Variants in SETD7 observed in about 807,000 individuals in gnomAD.
The protein encoded by SETD7 is histone-lysine N-methyltransferase SETD7.
Under a neutral mutation model 41.8 loss-of-function variants are expected in SETD7, and 16 were observed. The ratio of observed to expected loss-of-function variants is 0.38; its 90% CI spans 0.26 to 0.58. The LOEUF (loss-of-function observed/expected upper bound fraction) is 0.58. SETD7 is among the 20% of genes least tolerant of loss of function. SETD7 has a pLI of 0.64. For missense variants in SETD7, 346 were observed against 459.7 expected, an observed-to-expected ratio of 0.75 and a Z score of 2.26; for synonymous variants, 163 against 169.7, an observed-to-expected ratio of 0.96 and a Z score of 0.31.
intron 4 of SETD7, among the ~76,000 whole-genome samples, chr4:139,525,005 TG>T (rs1727285714): frequency 6.6e-6 from 1 of 152,146 alleles, no homozygotes; most frequent in Non-Finnish European, 1.5e-5. Flanking sequence ...TCAGTAGAGA[TG>T]GGGTTTCGCC....
downstream of SETD7, among the ~76,000 whole-genome samples, chr4:139,501,350 T>G (rs766591259): frequency 6.6e-6 from 1 of 151,294 alleles, no homozygotes; most frequent in Non-Finnish European, 1.5e-5. Context: ...CAAAACCCGT[T>G]ATGTTTTCAC....
At chr4:139,501,235 G>T (rs1726570300), downstream of SETD7, among the ~76,000 whole-genome samples, 2 of 152,134 alleles carry the variant, frequency 1.3e-5, no homozygotes, top group Non-Finnish European at 2.9e-5. Flanking sequence ...TTTGCTAATG[G>T]CCCAGAAGAG....
intron 2 of SETD7, among the ~76,000 whole-genome samples, chr4:139,539,898 G>A (rs1727736973): frequency 6.6e-6 from 1 of 152,130 alleles, no homozygotes; most frequent in Non-Finnish European, 1.5e-5. Context: ...CCAGGAAGTG[G>A]GCCCTCGACA....
Position 139,511,270 on chromosome 4 carries a change from A to G in SETD7, c.*393T>C. 4.1e-6 allele frequency: 1 copy of G among 244,928 alleles called. No homozygotes were observed. The highest frequency in any genetic ancestry group is 7.9e-6 in the Non-Finnish European group (1 of 126,598). The allele number at this position is 244,928 out of a possible 1,614,324, so 15.2% of individuals were successfully genotyped here. On this transcript the variant is annotated 3_prime_UTR_variant, in exon 8 of 8. Transcript: ENST00000274031. ...ACGGCACATATGCAAGTGTGCTAAC[A>G]CAATTTGCACTGGCCATAGGAAAAA...
chr4:139,553,657 C>T (rs1728174772), intron 1 of SETD7, among the ~76,000 whole-genome samples: 1 of 152,118 alleles, frequency 6.6e-6, no homozygotes, highest in Non-Finnish European at 1.5e-5. Flanking sequence ...CCTCATAAGA[C>T]TGAATAAGAC....
intron 7 of SETD7, among the ~76,000 whole-genome samples, chr4:139,499,264 C>G (rs1579193991): frequency 6.6e-6 from 1 of 152,188 alleles, no homozygotes; most frequent in African/African-American, 2.4e-5. Context: ...TGGTCCCTTC[C>G]TTGTTCAAAA....
At chr4:139,549,109 C>T (rs1728041240) in intron 1 of SETD7, among the ~76,000 whole-genome samples, 1 of 151,908 alleles carries the variant, frequency 6.6e-6, no homozygotes, top group African/African-American at 2.4e-5. Context: ...CATATAAATT[C>T]AGTGTCCTAC....
chr4:139,525,104 G>T (rs1197222629), intron 4 of SETD7, among the ~76,000 whole-genome samples: 1 of 152,138 alleles, frequency 6.6e-6, no homozygotes, highest in Non-Finnish European at 1.5e-5. Flanking sequence ...GGCGTGAGCT[G>T]CTGTGCCCAG....
chr4:139,522,741 CTTTTTTTTTTT>C (rs11357611), intron 5 of SETD7, among the ~76,000 whole-genome samples: 3 of 93,432 alleles, frequency 3.2e-5, no homozygotes, highest in African/African-American at 1.3e-4. Flanking sequence ...CCCAGCTGCT[CTTTTTTTTTTT>C]TTTTTTTTTT....
At chr4:139,521,242 A>C (rs1727173970) in intron 5 of SETD7, among the ~76,000 whole-genome samples, 1 of 152,096 alleles carries the variant, frequency 6.6e-6, no homozygotes, top group East Asian at 1.9e-4. Context: ...CCTGGCCAAC[A>C]TGGTGAAACC....
At chr4:139,505,758 C>T (rs1274036798), downstream of SETD7, among the ~76,000 whole-genome samples, 1 of 152,122 alleles carries the variant, frequency 6.6e-6, no homozygotes, top group Non-Finnish European at 1.5e-5. Context: ...GCTATTTGCC[C>T]TGATCATCTC....
chr4:139,514,652 G>A (rs1027951246), intron 7 of SETD7, among the ~76,000 whole-genome samples: 1 of 152,220 alleles, frequency 6.6e-6, no homozygotes, highest in East Asian at 1.9e-4. Context: ...GACTGAATGA[G>A]ACAATGCATG....
At chr4:139,517,809 A>G (rs1727068759) in intron 7 of SETD7, 76 bp downstream of exon 7, 7 of 1,463,702 alleles carry the variant, frequency 4.8e-6, no homozygotes, top group Non-Finnish European at 5.5e-6. Context: ...GAGGCAGAAT[A>G]ACACTTTTTA....
downstream of SETD7, among the ~76,000 whole-genome samples, chr4:139,505,662 A>T (rs1235196764): frequency 6.6e-6 from 1 of 152,098 alleles, no homozygotes; most frequent in Non-Finnish European, 1.5e-5. Flanking sequence ...CTCAGCTCAG[A>T]CTCATCCTCA....
chr4:139,551,508 C>A (rs984763911), intron 1 of SETD7, among the ~76,000 whole-genome samples: 2 of 152,026 alleles, frequency 1.3e-5, no homozygotes, highest in African/African-American at 2.4e-5. Context: ...TCTGAGGGAG[C>A]TTCTTCCTGA....
In SETD7 at chr4:139,510,437, T is replaced by C. The variant is rs1726838062; in HGVS notation, c.*1226A>G. 1 of 152,266 alleles carries C rather than the reference T, an allele frequency of 6.6e-6. No homozygotes were observed. Among genetic ancestry groups the C allele is most frequent in the Admixed American group, 6.5e-5 (1 of 15,286 alleles). The allele number at this position is 152,266 out of a possible 1,614,324, so 9.4% of individuals were successfully genotyped here. A position where few individuals can be genotyped will look rare whatever the true frequency, so the allele number is the denominator to read the frequency against. Reference sequence around the variant, plus strand: ...GGTTTTCTCCTTATTTCTGCAGTTGTGATTACACATGGCTGGCAAAATGGC... The same window carrying C: ...GGTTTTCTCCTTATTTCTGCAGTTGCGATTACACATGGCTGGCAAAATGGC... On this transcript the variant is annotated 3_prime_UTR_variant, in exon 8 of 8. Transcript: ENST00000274031.
At position 139,551,346 on chromosome 4, in the gene SETD7, G is replaced by A. The variant is rs144139574; in HGVS notation, c.41-4297C>T. ...TGTTTTTAAGGTTGCCGGAGCTAATGTTCTGTGTATCTGTCTGTAGCATGA... is the reference window on the plus strand; with the variant it reads ...TGTTTTTAAGGTTGCCGGAGCTAATATTCTGTGTATCTGTCTGTAGCATGA... On this transcript the variant is annotated intron_variant, in intron 1 of 7. Transcript: ENST00000274031. Among the ~76,000 whole-genome samples, 341 of 152,332 alleles carry A rather than the reference G, an allele frequency of 2.2e-3. 2 individuals are homozygous for A. Among genetic ancestry groups the A allele is most frequent in the African/African-American group, 8.1e-3 (335 of 41,566 alleles).
In SETD7 at chr4:139,510,661, A is replaced by C. The variant is rs1726845071; in HGVS notation, c.*1002T>G. 1 of 152,188 alleles carries C rather than the reference A, an allele frequency of 6.6e-6. No individual in the cohort carries two copies. The highest frequency in any genetic ancestry group is 1.5e-5 in the Non-Finnish European group (1 of 68,026). The allele number at this position is 152,188 out of a possible 1,614,324, so 9.4% of individuals were successfully genotyped here. ...TTTTTTTTGAATTCTGTTAGAATTC[A>C]AATTTGCTGTTTGACTTTTGAATTC... On this transcript the variant is annotated 3_prime_UTR_variant, in exon 8 of 8. Transcript: ENST00000274031.
At position 139,556,155 on chromosome 4, in the gene SETD7, C is replaced by T; in HGVS notation, c.-18G>A. ...CTATCCATGGCGGCTGGGGACACTG[C>T]CCAGCTCGGGGCTGCGCGGCTGCCT... is the stretch of plus-strand genomic sequence containing the variant. On this transcript the variant is annotated 5_prime_UTR_variant, in exon 1 of 8. Coordinates refer to ENST00000274031, the MANE Select transcript of SETD7 (RefSeq NM_030648.4). The T allele has an allele frequency of 6.3e-7, 1 of 1,592,550 alleles. No homozygotes were observed. The highest frequency in any genetic ancestry group is 8.5e-7 in the Non-Finnish European group (1 of 1,170,444).
Sources: gnomAD v4.1 joint callset for allele counts (sites outside exome capture counted in the v4.1 genomes callset) on GRCh38, gnomAD v4.1.1 for gene constraint, MANE v1.5 for transcripts, NCBI Gene and HGNC (gene_info 2026-07-23, HGNC 2026-07-21) for gene names.